The following SCN9A variants were observed in gnomAD, a reference collection of about 807,000 sequenced individuals.
The protein encoded by SCN9A is sodium voltage-gated channel alpha subunit 9.
Under a neutral mutation model 187.0 loss-of-function variants are expected in SCN9A, and 131 were observed. That is an observed-to-expected ratio of 0.70 (90% confidence interval 0.61 to 0.81). SCN9A has a LOEUF of 0.81. Ranked by LOEUF, SCN9A falls within the 30% of genes least tolerant of loss-of-function variation. The pLI is 0.00. For missense variants in SCN9A, 2,252 were observed against 2,396.6 expected, an observed-to-expected ratio of 0.94 and a Z score of 1.26; for synonymous variants, 809 against 808.6, an observed-to-expected ratio of 1.00 and a Z score of -0.01.
Position 166,198,774 on chromosome 2 carries a change from T to C in SCN9A, c.5865A>G (p.Pro1955=), listed in dbSNP as rs554766365. Residue 1955 remains proline, a synonymous_variant, in exon 27 of 27, where the codon CCA becomes CCG. Transcript: ENST00000642356. The part of the protein sequence containing the change: ...KTDATSSTTS[P]PSYDSVTKPD... ...GCTTTGTTACACTATCATATGAAGG[T>C]GGAGAGGTGGTGGATGAAGTGGCAT... 6.2e-7 allele frequency: 1 copy of C among 1,613,544 alleles called. No individual in the cohort carries two copies. The highest frequency in any genetic ancestry group is 2.2e-5 in the East Asian group (1 of 44,870).
At chr2:166,289,991 T>G (rs527837595) in intron 9 of SCN9A, among the ~76,000 whole-genome samples, 18 of 152,282 alleles carry the variant, frequency 1.2e-4, no homozygotes, top group African/African-American at 4.3e-4. Context: ...GGTGGTTTGC[T>G]CCACCTATCA....
Position 166,311,783 on chromosome 2 carries a change from TC to T in SCN9A, c.-28del. 1 of 1,553,488 alleles carries T rather than the reference TC, an allele frequency of 6.4e-7. No individual in the cohort carries two copies. Among genetic ancestry groups the T allele is most frequent in the African/African-American group, 1.4e-5 (1 of 73,390 alleles). ...TTTTCATCCTGTATATTTTAATTCC[TC>T]TTCAGCTCCTCACATAAGAGGCCTG... is the stretch of plus-strand genomic sequence containing the variant. On this transcript the variant is annotated 5_prime_UTR_variant, in exon 2 of 27. Transcript: ENST00000642356.
At chr2:166,283,351 A>C (rs1697580484) in intron 12 of SCN9A, among the ~76,000 whole-genome samples, 1 of 152,176 alleles carries the variant, frequency 6.6e-6, no homozygotes, top group Non-Finnish European at 1.5e-5. Flanking sequence ...ATTGAAATAT[A>C]TGTGTGGCCA....
intron 20 of SCN9A, among the ~76,000 whole-genome samples, chr2:166,237,677 CTCTCT>C (rs1695379247): frequency 6.6e-6 from 1 of 152,082 alleles, no homozygotes; most frequent in Non-Finnish European, 1.5e-5. Context: ...GCCCCTCATC[CTCTCT>C]TATCTTCCAA....
At chr2:166,308,849 C>A (rs1574909619) in intron 2 of SCN9A, among the ~76,000 whole-genome samples, 1 of 146,726 alleles carries the variant, frequency 6.8e-6, no homozygotes, top group East Asian at 2.0e-4. Flanking sequence ...TGGCGTGAAC[C>A]CGGGAGGCGG....
chr2:166,351,694 G>T (rs376022705), intron 1 of SCN9A, among the ~76,000 whole-genome samples: 1 of 152,124 alleles, frequency 6.6e-6, no homozygotes, highest in African/African-American at 2.4e-5. Context: ...AGTCTTGGGG[G>T]TTGGGTAGAT....
At chr2:166,270,183 A>G (rs556795629) in intron 17 of SCN9A, among the ~76,000 whole-genome samples, 1 of 152,254 alleles carries the variant, frequency 6.6e-6, no homozygotes, top group South Asian at 2.1e-4. Context: ...GAGTCAACCA[A>G]CTACAGATGG....
rs1236935299 is a variant in SCN9A at position 166,228,826 on chromosome 2, T to C, written c.4071A>G (p.Ser1357=). The C allele has an allele frequency of 6.2e-7, 1 of 1,613,830 alleles. No individual in the cohort carries two copies. Among genetic ancestry groups the C allele is most frequent in the East Asian group, 2.2e-5 (1 of 44,884 alleles). ...FYECINTTDG[S]RFPASQVPNR... ...TTGGAACTTGACTTGCAGGAAACCG[T>C]GACCCATCTGTGGTGTTAATACACT... Residue 1357 remains serine, a synonymous_variant, in exon 22 of 27, where the codon TCA becomes TCG. Transcript: ENST00000642356.
At chr2:166,215,263 A>G (rs1406433993) in intron 24 of SCN9A, among the ~76,000 whole-genome samples, 2 of 152,178 alleles carry the variant, frequency 1.3e-5, no homozygotes, top group Non-Finnish European at 2.9e-5. Context: ...CAATGGAAAC[A>G]CAAGATAACA....
At chr2:166,319,869 T>C (rs1699196155) in intron 1 of SCN9A, among the ~76,000 whole-genome samples, 2 of 152,082 alleles carry the variant, frequency 1.3e-5, no homozygotes. Context: ...TATCTTACAT[T>C]GAAGGCAGTT....
chr2:166,209,026 A>C (rs1693953071), intron 24 of SCN9A, among the ~76,000 whole-genome samples: 1 of 152,216 alleles, frequency 6.6e-6, no homozygotes, highest in South Asian at 2.1e-4. Flanking sequence ...CATATGGAGC[A>C]CTGAAAGAAC....
intron 17 of SCN9A, among the ~76,000 whole-genome samples, chr2:166,271,978 CT>C (rs1032335509): frequency 6.6e-5 from 10 of 151,850 alleles, no homozygotes; most frequent in African/African-American, 1.9e-4. Flanking sequence ...AATAAGTAAA[CT>C]AGAGTAAATG....
At chr2:166,221,464 G>T (rs184553162) in intron 24 of SCN9A, among the ~76,000 whole-genome samples, 3 of 152,172 alleles carry the variant, frequency 2.0e-5, no homozygotes, top group Admixed American at 2.0e-4. Flanking sequence ...GCAGTGGCAT[G>T]ATCATAGCTC....
rs76048974 is a variant in SCN9A, at chr2:166,253,216, G to A, written c.3352-1331C>T. Among the ~76,000 whole-genome samples, 9 of 151,814 alleles carry A rather than the reference G, an allele frequency of 5.9e-5. No individual in the cohort carries two copies. The South Asian group carries it at 1.9e-3, about 32-fold the overall frequency. On this transcript the variant is annotated intron_variant, in intron 17 of 26. Transcript: ENST00000642356. ...ATAAAAATGGCATGGATAAAGTATT[G>A]TACATAAGGAATGATGTAAGCAGAC...
chr2:166,321,342 A>T, intron 1 of SCN9A: 1 of 152,208 alleles, frequency 6.6e-6, no homozygotes. Flanking sequence ...CAACACAGTG[A>T]CACCCTGTCT....
At chr2:166,296,809 A>G (rs1698319678) in intron 7 of SCN9A, among the ~76,000 whole-genome samples, 1 of 152,206 alleles carries the variant, frequency 6.6e-6, no homozygotes, top group African/African-American at 2.4e-5. Context: ...AGAAGATTTA[A>G]GGTTAACATC....
chr2:166,215,437 A>T (rs10184934), intron 24 of SCN9A, among the ~76,000 whole-genome samples: 2,025 of 152,212 alleles, frequency 0.013, 41 homozygotes, highest in African/African-American at 0.046. Flanking sequence ...AAGGAAGAAA[A>T]TAACAAAGAT....
chr2:166,206,058 T>A (rs1175806695), intron 24 of SCN9A, among the ~76,000 whole-genome samples: 1 of 152,170 alleles, frequency 6.6e-6, no homozygotes, highest in Non-Finnish European at 1.5e-5. Flanking sequence ...GCTTTTACAC[T>A]GTTGGTGAGA....
intron 1 of SCN9A, among the ~76,000 whole-genome samples, chr2:166,357,349 G>A (rs12463992): frequency 0.24 from 35,788 of 152,048 alleles, 5,301 homozygotes; most frequent in Non-Finnish European, 0.33. Context: ...CTAGTGTAAC[G>A]CCTACAGGGC....
Sources: gnomAD v4.1 joint callset for allele counts (sites outside exome capture counted in the v4.1 genomes callset) on GRCh38, gnomAD v4.1.1 for gene constraint, MANE v1.5 for transcripts, NCBI Gene and HGNC (gene_info 2026-07-23, HGNC 2026-07-21) for gene names.